LAMB3: variants seen among roughly 807,000 people sequenced by gnomAD.
LAMB3 encodes laminin subunit beta-3.
LAMB3 carries 104 observed loss-of-function variants against 140.3 expected under a neutral mutation model. The observed-to-expected ratio is 0.74, with a 90% confidence interval of 0.63 to 0.87. The LOEUF is 0.87. Among genes scored for constraint, LAMB3 ranks in the 40% least tolerant of loss-of-function variants. The pLI is 0.00. For missense variants in LAMB3, 1,531 were observed against 1,575.2 expected (o/e 0.97, Z 0.47); for synonymous variants, 592 against 602.9 (o/e 0.98, Z 0.26).
At position 209,626,037 on chromosome 1, in the gene LAMB3, G is replaced by C; in HGVS notation, c.1598-11C>G. ...AATCACAGTCACAGGCTAGGGCCAA[G>C]AAAAATGACAGTCAGAGACAGGGGT... On this transcript the variant is annotated splice_polypyrimidine_tract_variant and intron_variant, in intron 13 of 22. Transcript: ENST00000356082. The C allele has an allele frequency of 6.2e-7, 1 of 1,611,506 alleles. No individual in the cohort carries two copies. Among genetic ancestry groups the C allele is most frequent in the South Asian group, 1.1e-5 (1 of 90,728 alleles).
intron 7 of LAMB3, 28 bp downstream of exon 7, chr1:209,633,042 C>T: frequency 6.5e-7 from 1 of 1,531,856 alleles, no homozygotes; most frequent in Non-Finnish European, 9.0e-7. Context: ...CCCATAGTTC[C>T]ATGGACAAGA....
intron 3 of LAMB3, among the ~76,000 whole-genome samples, chr1:209,645,295 T>C (rs934805214): frequency 7.9e-5 from 12 of 152,314 alleles, no homozygotes; most frequent in South Asian, 2.1e-4. Context: ...TAGATTGATA[T>C]GGTGCTTTTC....
At chr1:209,616,660 T>C in intron 21 of LAMB3, 36 bp from the exon 22 acceptor site, 2 of 1,608,616 alleles carry the variant, frequency 1.2e-6, no homozygotes, top group Middle Eastern at 1.7e-4. Flanking sequence ...GTCATTGTCA[T>C]CATGCAAGGT....
chr1:209,615,504 T>A, intron 22 of LAMB3, 97 bp from the exon 23 acceptor site: 1 of 1,383,918 alleles, frequency 7.2e-7, no homozygotes, highest in East Asian at 2.4e-5. Context: ...GGAGGTAGCA[T>A]GTGTAGAGGA....
intron 5 of LAMB3, 92 bp from the exon 6 acceptor site, chr1:209,634,730 G>A (rs895155314): frequency 4.0e-5 from 42 of 1,054,300 alleles, no homozygotes; most frequent in Admixed American, 2.2e-4. Flanking sequence ...CAGTGAACTC[G>A]GGAGAAAGGG....
intron 3 of LAMB3, among the ~76,000 whole-genome samples, chr1:209,645,967 G>C (rs1313775067): frequency 6.6e-6 from 1 of 152,164 alleles, no homozygotes; most frequent in Non-Finnish European, 1.5e-5. Flanking sequence ...TAGAGAGGAG[G>C]GACTTCCAAC....
chr1:209,618,675 C>T lies in LAMB3; in HGVS notation c.2702-16G>A, dbSNP rs911777622. The T allele has an allele frequency of 6.2e-7, 1 of 1,603,668 alleles. No individual in the cohort carries two copies. Among genetic ancestry groups the T allele is most frequent in the Non-Finnish European group, 8.5e-7 (1 of 1,172,386 alleles). On this transcript the variant is annotated splice_polypyrimidine_tract_variant and intron_variant, in intron 18 of 22. Transcript: ENST00000356082. The stretch of plus-strand genomic sequence containing the variant: ...GTGTCGGGGTCTGGAAGACAACACG[C>T]ATTTGACTGTAGGAGCCCACTAACC...
In LAMB3 at chr1:209,623,080, C is replaced by T. The variant is rs374815499; in HGVS notation, c.2458G>A (p.Gly820Ser). 7.4e-6 allele frequency: 12 copies of T among 1,614,206 alleles called. No homozygotes were observed. The highest frequency in any genetic ancestry group is 9.3e-6 in the Non-Finnish European group (11 of 1,180,028). ...GCCCCACCGGCCCTGGGAAGGACACCCCTGCAGCGGGAGCCACAGGCTGTG... is the reference window on the plus strand; with the variant it reads ...GCCCCACCGGCCCTGGGAAGGACACTCCTGCAGCGGGAGCCACAGGCTGTG... ...NGTACGSRCRGVLPRAGGAFL... is the reference protein window; with the variant it reads ...NGTACGSRCRSVLPRAGGAFL... The change falls in exon 17 of 23, where the codon GGT becomes AGT. Residue 820 changes from glycine to serine, a missense_variant. By Grantham distance (56) the Gly-to-Ser change is moderately conservative (BLOSUM62 0). Coordinates refer to ENST00000356082, the MANE Select transcript of LAMB3 (RefSeq NM_000228.3). The surrounding 1 kb of genome is among the most constrained non-coding windows in gnomAD (Gnocchi z 4.2).
chr1:209,639,004 A>G (rs897496107), intron 3 of LAMB3, among the ~76,000 whole-genome samples: 8 of 151,450 alleles, frequency 5.3e-5, no homozygotes, highest in African/African-American at 1.7e-4. Context: ...GGAGAAATTC[A>G]TATTATTTGA....
At chr1:209,642,807 T>A (rs1488484901) in intron 3 of LAMB3, among the ~76,000 whole-genome samples, 1 of 152,162 alleles carries the variant, frequency 6.6e-6, no homozygotes, top group African/African-American at 2.4e-5. Context: ...CTTGGATACA[T>A]ATTAACTTTT....
intron 14 of LAMB3, among the ~76,000 whole-genome samples, chr1:209,624,936 A>G (rs1666369961): frequency 6.8e-6 from 1 of 146,348 alleles, no homozygotes; most frequent in South Asian, 2.2e-4. Context: ...GGAAGGAAGG[A>G]AAAAAAGGGA....
chr1:209,641,938 A>C (rs975580228), intron 3 of LAMB3, among the ~76,000 whole-genome samples: 1 of 152,124 alleles, frequency 6.6e-6, no homozygotes, highest in Non-Finnish European at 1.5e-5. Flanking sequence ...AGGAGAGACA[A>C]GGGCCAGCTG....
chr1:209,634,022 T>C (rs1398674750), intron 6 of LAMB3, among the ~76,000 whole-genome samples: 1 of 152,242 alleles, frequency 6.6e-6, no homozygotes, highest in Non-Finnish European at 1.5e-5. Flanking sequence ...GTTAGATGGA[T>C]AGATTAAACT....
intron 12 of LAMB3, 42 bp from the exon 13 acceptor site, chr1:209,627,020 C>T (rs1231782432): frequency 1.4e-6 from 2 of 1,394,034 alleles, no homozygotes; most frequent in East Asian, 2.4e-5. Context: ...GCCTCACAGC[C>T]TCTGCCTTAC....
intron 18 of LAMB3, chr1:209,618,895 G>T (rs1447679513): frequency 3.4e-6 from 2 of 583,320 alleles, no homozygotes; most frequent in East Asian, 2.9e-5. Flanking sequence ...GAGGAGGAGG[G>T]GTGTCGTCAC....
chr1:209,645,170 A>C (rs7525776), intron 3 of LAMB3, among the ~76,000 whole-genome samples: 1 of 150,650 alleles, frequency 6.6e-6, no homozygotes, highest in Non-Finnish European at 1.5e-5. Flanking sequence ...GTCCCTTTCC[A>C]TTTTCTTCTA....
At chr1:209,616,422 C>T (rs760942522) in intron 22 of LAMB3, 49 bp downstream of exon 22, 2 of 1,608,486 alleles carry the variant, frequency 1.2e-6, no homozygotes, top group East Asian at 2.2e-5. Context: ...TGGGTGGGAC[C>T]AGCCTTCATG....
At chr1:209,617,634 CG>C in intron 20 of LAMB3, 48 bp from the exon 21 acceptor site, 12 of 1,604,882 alleles carry the variant, frequency 7.5e-6, no homozygotes, top group Non-Finnish European at 4.3e-6. Context: ...TCTCATAGGT[CG>C]GGGGGTTCAT....
chr1:209,638,562 G>A lies in LAMB3; in HGVS notation c.270C>T (p.Gly90=). The change falls in exon 4 of 23, where the codon GGC becomes GGT. Residue 90 remains glycine, a synonymous_variant. Coordinates refer to ENST00000356082, the MANE Select transcript of LAMB3 (RefSeq NM_000228.3). ...HRVENVASSS[G]PMRWWQSQND... ...TCTGTGACTGCCACCAGCGCATGGG[G>A]CCGGAGGATGAAGCCACATTCTCTA... The A allele has an allele frequency of 6.2e-7, 1 of 1,613,470 alleles. No individual in the cohort carries two copies. Among genetic ancestry groups the A allele is most frequent in the Non-Finnish European group, 8.5e-7 (1 of 1,179,358 alleles).
Sources: allele counts gnomAD v4.1 joint callset (sites outside exome capture counted in the v4.1 genomes callset), GRCh38; gene constraint gnomAD v4.1.1; non-coding constraint Gnocchi (gnomAD v3.1); transcripts MANE v1.5; gene names NCBI Gene and HGNC (gene_info 2026-07-23, HGNC 2026-07-21).